Variants in B3GALT1 observed in about 807,000 individuals in gnomAD.
B3GALT1 encodes the protein beta-1,3-galactosyltransferase 1, also known as UDP-Gal:betaGlcNAc beta 1,3-galactosyltransferase, polypeptide 1.
A neutral mutation model predicts 23.2 loss-of-function variants in B3GALT1; 10 were observed. That is an observed-to-expected ratio of 0.43 (90% CI 0.27 to 0.73). B3GALT1 has a LOEUF of 0.73. B3GALT1 is among the 30% of genes least tolerant of loss of function. The pLI is 0.21. For missense variants in B3GALT1, 299 were observed against 405.4 expected (o/e 0.74, Z 2.25); for synonymous variants, 156 against 141.5 (o/e 1.10, Z -0.73).
intron 3 of B3GALT1, among the ~76,000 whole-genome samples, chr2:167,809,300 T>C (rs1481585125): frequency 2.0e-5 from 3 of 152,224 alleles, no homozygotes; most frequent in African/African-American, 7.2e-5. Context: ...AGTCATTCTC[T>C]GTCCAGCTTT....
intron 1 of B3GALT1, among the ~76,000 whole-genome samples, chr2:167,309,229 CA>C (rs1186173792): frequency 5.3e-5 from 8 of 151,960 alleles, no homozygotes. Context: ...TGGCATTAAT[CA>C]TTATTCCTCA....
intron 3 of B3GALT1, among the ~76,000 whole-genome samples, chr2:167,706,735 G>A (rs1686972413): frequency 6.6e-6 from 1 of 152,198 alleles, no homozygotes; most frequent in Non-Finnish European, 1.5e-5. Context: ...GGGATACAAT[G>A]CACAAGCAGC....
chr2:167,359,169 T>C (rs1697461619), intron 1 of B3GALT1, among the ~76,000 whole-genome samples: 2 of 152,204 alleles, frequency 1.3e-5, no homozygotes, highest in Non-Finnish European at 2.9e-5. Context: ...TGAAAATACC[T>C]GTTAAAAATA....
chr2:167,708,642 C>T (rs1687003974), intron 3 of B3GALT1, among the ~76,000 whole-genome samples: 1 of 152,150 alleles, frequency 6.6e-6, no homozygotes, highest in African/African-American at 2.4e-5. Flanking sequence ...GCCTGGGCAA[C>T]AAGAGCGAGA....
intron 3 of B3GALT1, among the ~76,000 whole-genome samples, chr2:167,699,615 C>T (rs1686845801): frequency 6.6e-6 from 1 of 151,898 alleles, no homozygotes; most frequent in Non-Finnish European, 1.5e-5. Flanking sequence ...ATGAAAATTA[C>T]TTTTAGTTAT....
At chr2:167,627,118 C>G (rs899466433) in intron 2 of B3GALT1, among the ~76,000 whole-genome samples, 2 of 151,538 alleles carry the variant, frequency 1.3e-5, no homozygotes, top group Admixed American at 1.3e-4. Flanking sequence ...GTCACCAGGG[C>G]TCAGGTCTCC....
intron 2 of B3GALT1, among the ~76,000 whole-genome samples, chr2:167,634,111 A>G (rs536640959): frequency 1.7e-3 from 253 of 152,294 alleles, no homozygotes; most frequent in African/African-American, 4.2e-3. Flanking sequence ...TAAATAAATA[A>G]CGAAATTAAG....
chr2:167,487,073 T>C (rs1421681493), intron 1 of B3GALT1, among the ~76,000 whole-genome samples: 2 of 152,244 alleles, frequency 1.3e-5, no homozygotes, highest in African/African-American at 4.8e-5. Flanking sequence ...AAGATTTCTT[T>C]TGAATTTATC....
chr2:167,401,821 T>A (rs1193998704), intron 1 of B3GALT1, among the ~76,000 whole-genome samples: 1 of 152,202 alleles, frequency 6.6e-6, no homozygotes, highest in East Asian at 1.9e-4. Flanking sequence ...GCCTGTTATG[T>A]ACAGGCTAAT....
rs371990286 is a variant in B3GALT1 at position 167,458,799 on chromosome 2, A to AT, written c.-510-31371dup. ...AGTCCTTTGCCTATTTTTAAACCAGATTTTTTTGTTGTTGTTGATTGTTAG... is the reference window on the plus strand; with the variant it reads ...AGTCCTTTGCCTATTTTTAAACCAGATTTTTTTTGTTGTTGTTGATTGTTAG... On this transcript the variant is annotated intron_variant, in intron 1 of 4. Transcript: ENST00000392690. 3.3e-3 allele frequency among the ~76,000 whole-genome samples: 499 copies of AT among 152,126 alleles called. 1 individual carries two copies. The highest frequency in any genetic ancestry group is 5.8e-3 in the Non-Finnish European group (392 of 67,994).
intron 1 of B3GALT1, among the ~76,000 whole-genome samples, chr2:167,418,746 A>G (rs1472009754): frequency 1.3e-5 from 2 of 149,366 alleles, no homozygotes; most frequent in African/African-American, 5.0e-5. Context: ...CATGTTGGCC[A>G]GGCTGGTCTC....
At chr2:167,432,211 T>C (rs1354548613) in intron 1 of B3GALT1, among the ~76,000 whole-genome samples, 1 of 152,148 alleles carries the variant, frequency 6.6e-6, no homozygotes, top group Non-Finnish European at 1.5e-5. Flanking sequence ...GCAGTAATGA[T>C]GACTGCAGAG....
chr2:167,552,023 G>A (rs1454612103), intron 2 of B3GALT1, among the ~76,000 whole-genome samples: 2 of 152,192 alleles, frequency 1.3e-5, no homozygotes, highest in Non-Finnish European at 2.9e-5. Flanking sequence ...ATTGTAAGGA[G>A]GCTGTTTATT....
chr2:167,863,405 T>A (rs1355537320), intron 4 of B3GALT1, among the ~76,000 whole-genome samples: 3 of 152,222 alleles, frequency 2.0e-5, no homozygotes, highest in Non-Finnish European at 4.4e-5. Context: ...CATAATACCA[T>A]CTGCCTGGAC....
chr2:167,484,758 A>G (rs1699601783), intron 1 of B3GALT1, among the ~76,000 whole-genome samples: 1 of 152,214 alleles, frequency 6.6e-6, no homozygotes, highest in Non-Finnish European at 1.5e-5. Flanking sequence ...ACTCTCAGCT[A>G]ATCTCTTCAG....
intron 2 of B3GALT1, among the ~76,000 whole-genome samples, chr2:167,518,629 G>A (rs943229181): frequency 7.2e-5 from 11 of 152,106 alleles, no homozygotes; most frequent in African/African-American, 2.2e-4. Context: ...ATCTCTGTTC[G>A]AAAGATGGGC....
intron 1 of B3GALT1, among the ~76,000 whole-genome samples, chr2:167,395,721 A>C (rs914001178): frequency 6.6e-6 from 1 of 152,178 alleles, no homozygotes; most frequent in East Asian, 1.9e-4. Flanking sequence ...CTGCTTTATA[A>C]TGATGAATTC....
intron 1 of B3GALT1, among the ~76,000 whole-genome samples, chr2:167,316,807 G>A (rs991345896): frequency 1.3e-4 from 20 of 152,172 alleles, no homozygotes; most frequent in African/African-American, 4.8e-4. Flanking sequence ...GGTGCTTCCT[G>A]AGATCAGCTC....
At chr2:167,442,237 C>A (rs933055825) in intron 1 of B3GALT1, among the ~76,000 whole-genome samples, 1 of 152,074 alleles carries the variant, frequency 6.6e-6, no homozygotes, top group African/African-American at 2.4e-5. Context: ...CATAGTATTC[C>A]ATGGTGTATA....
Sources: gnomAD v4.1 joint callset for allele counts (sites outside exome capture counted in the v4.1 genomes callset) on GRCh38, gnomAD v4.1.1 for gene constraint, MANE v1.5 for transcripts, NCBI Gene and HGNC (gene_info 2026-07-23, HGNC 2026-07-21) for gene names.